The following TTC28 variants were observed in gnomAD, a reference collection of about 807,000 sequenced individuals.
TTC28 encodes tetratricopeptide repeat domain 28.
In TTC28, 61 loss-of-function variants were observed where a neutral mutation model predicts 198.0. The observed-to-expected ratio is 0.31, with a 90% confidence interval of 0.25 to 0.38. TTC28 has a LOEUF of 0.38. Ranked by LOEUF, TTC28 falls within the 10% of genes least tolerant of loss-of-function variation. The pLI, the probability that TTC28 is intolerant of heterozygous loss-of-function variation, is 1.00. For synonymous variants in TTC28, 1,171 were observed against 1,297.8 expected (o/e 0.90, Z 2.10); for missense variants, 2,678 against 3,164.0 (o/e 0.85, Z 3.69).
intron 12 of TTC28, among the ~76,000 whole-genome samples, chr22:28,032,205 A>AATATAT (rs1309086754): frequency 9.9e-6 from 1 of 100,832 alleles, no homozygotes; most frequent in Non-Finnish European, 2.1e-5. Context: ...ATATATATAA[A>AATATAT]ATATATATAT....
intron 1 of TTC28, among the ~76,000 whole-genome samples, chr22:28,669,511 A>C (rs1453527339): frequency 1.3e-5 from 2 of 151,876 alleles, no homozygotes; most frequent in South Asian, 2.1e-4. Context: ...TATGTTCCTC[A>C]ATATCAAATT....
At chr22:28,555,339 C>T (rs776657372) in intron 2 of TTC28, among the ~76,000 whole-genome samples, 2 of 152,200 alleles carry the variant, frequency 1.3e-5, no homozygotes, top group Admixed American at 6.5e-5. Flanking sequence ...AATCCCATTA[C>T]TAGGTATCTA....
intron 2 of TTC28, among the ~76,000 whole-genome samples, chr22:28,610,076 C>A (rs1569057908): frequency 6.6e-6 from 1 of 152,204 alleles, no homozygotes; most frequent in East Asian, 1.9e-4. Flanking sequence ...GAAAAAAAGG[C>A]AGCAGCCCCA....
intron 5 of TTC28, among the ~76,000 whole-genome samples, chr22:28,207,544 T>C (rs1601476084): frequency 6.6e-6 from 1 of 152,168 alleles, no homozygotes; most frequent in African/African-American, 2.4e-5. Context: ...CAACAATATC[T>C]GACTCTTACA....
At chr22:28,589,656 T>C (rs769768346) in intron 2 of TTC28, among the ~76,000 whole-genome samples, 3 of 152,194 alleles carry the variant, frequency 2.0e-5, no homozygotes, top group Non-Finnish European at 4.4e-5. Flanking sequence ...TTTTATTTTA[T>C]CACTCAAGAT....
At position 28,070,427 on chromosome 22, in the gene TTC28, G is replaced by T. The variant is rs188941178; in HGVS notation, c.3932+23653C>A. Reference sequence around the variant, plus strand: ...CAAGCCTAACAAATAGATTTTTTTTGAAAACAACCCCAAAGAAATTTCTGT... The same window carrying T: ...CAAGCCTAACAAATAGATTTTTTTTTAAAACAACCCCAAAGAAATTTCTGT... On this transcript the variant is annotated intron_variant, in intron 12 of 22. Transcript: ENST00000397906. Among the ~76,000 whole-genome samples, 39 of 152,104 alleles carry T rather than the reference G, an allele frequency of 2.6e-4. No individual in the cohort carries two copies. The East Asian group carries it at 4.1e-3, about 16-fold the overall frequency.
At chr22:28,662,971 G>C (rs1480588056) in intron 1 of TTC28, among the ~76,000 whole-genome samples, 1 of 151,834 alleles carries the variant, frequency 6.6e-6, no homozygotes, top group Non-Finnish European at 1.5e-5. Flanking sequence ...AACTTCCACC[G>C]GGCGCGGTGG....
intron 2 of TTC28, among the ~76,000 whole-genome samples, chr22:28,352,696 A>T (rs929666244): frequency 1.3e-5 from 2 of 152,154 alleles, no homozygotes; most frequent in Non-Finnish European, 2.9e-5. Context: ...GAGCCACCTG[A>T]ATAAAACCAA....
At chr22:28,000,126 G>A (rs1244095659) in intron 15 of TTC28, 3 of 152,340 alleles carry the variant, frequency 2.0e-5, no homozygotes, top group African/African-American at 2.4e-5. Flanking sequence ...CAGGAGCGTC[G>A]AGAAGGCCAG....
At chr22:28,063,955 G>A (rs1257287257) in intron 12 of TTC28, among the ~76,000 whole-genome samples, 1 of 152,166 alleles carries the variant, frequency 6.6e-6, no homozygotes, top group Non-Finnish European at 1.5e-5. Flanking sequence ...GGAGTCACAG[G>A]AGAGCTGTGT....
At chr22:28,034,607 G>A (rs1181884098) in intron 12 of TTC28, among the ~76,000 whole-genome samples, 1 of 152,214 alleles carries the variant, frequency 6.6e-6, no homozygotes, top group Non-Finnish European at 1.5e-5. Flanking sequence ...GTCCTGGCTG[G>A]ACCCTGCCCT....
chr22:28,465,056 T>C (rs746062757), intron 2 of TTC28, among the ~76,000 whole-genome samples: 4 of 152,222 alleles, frequency 2.6e-5, no homozygotes, highest in African/African-American at 7.2e-5. Flanking sequence ...CCAGTGATCA[T>C]ATATAACAAG....
chr22:28,125,491 A>G (rs1942891985), intron 6 of TTC28, among the ~76,000 whole-genome samples: 1 of 152,212 alleles, frequency 6.6e-6, no homozygotes, highest in South Asian at 2.1e-4. Flanking sequence ...GCCCAAACAC[A>G]ATATGCAACA....
chr22:28,674,153 G>A (rs1012593075), intron 1 of TTC28, among the ~76,000 whole-genome samples: 3 of 151,956 alleles, frequency 2.0e-5, no homozygotes, highest in African/African-American at 7.2e-5. Context: ...TGGTATGAGA[G>A]ACTTGTCTTC....
intron 12 of TTC28, among the ~76,000 whole-genome samples, chr22:28,070,725 ATGT>A (rs1218776095): frequency 2.0e-5 from 3 of 152,230 alleles, no homozygotes; most frequent in Non-Finnish European, 4.4e-5. Context: ...AAGAAAATCA[ATGT>A]TGTGTGTCAT....
chr22:28,401,508 C>G (rs562832173), intron 2 of TTC28, among the ~76,000 whole-genome samples: 1 of 152,214 alleles, frequency 6.6e-6, no homozygotes, highest in African/African-American at 2.4e-5. Context: ...TCCAGCTACT[C>G]AGGAGGCTGA....
In TTC28 at chr22:27,990,682, G is replaced by A. The variant is rs1601487474; in HGVS notation, c.5577+107C>T. 1.1e-5 allele frequency: 12 copies of A among 1,121,320 alleles called. 1 individual carries two copies. Among genetic ancestry groups the A allele is most frequent in the South Asian group, 4.6e-5 (3 of 65,606 alleles). The allele number at this position is 1,121,320 out of a possible 1,614,324, so 69.5% of individuals were successfully genotyped here. Reference sequence around the variant, plus strand: ...GGGGCGCCGCAGCCCGTGTGGCTCCGTTTGACAGCACGTGCACCCCGAGCT... The same window carrying A: ...GGGGCGCCGCAGCCCGTGTGGCTCCATTTGACAGCACGTGCACCCCGAGCT... On this transcript the variant is annotated intron_variant, in intron 20 of 22. Coordinates refer to ENST00000397906, the MANE Select transcript of TTC28 (RefSeq NM_001145418.2).
At chr22:28,444,672 A>G (rs560584039) in intron 2 of TTC28, among the ~76,000 whole-genome samples, 1 of 152,308 alleles carries the variant, frequency 6.6e-6, no homozygotes, top group African/African-American at 2.4e-5. Flanking sequence ...AAGACCACAC[A>G]GGTAGAGCAT....
At position 28,444,014 on chromosome 22, in the gene TTC28, C is replaced by T. The variant is rs985772460; in HGVS notation, c.382-137371G>A. On this transcript the variant is annotated intron_variant, in intron 2 of 22. Transcript: ENST00000397906. ...TACCCCCAATGAACTTTAATAGATT[C>T]CATTTCCTTCTCTAAATTTAGCACT... 5.9e-5 allele frequency among the ~76,000 whole-genome samples: 9 copies of T among 152,238 alleles called. No individual in the cohort carries two copies. The East Asian group carries it at 9.7e-4, about 16-fold the overall frequency.
Sources: gnomAD v4.1 joint callset for allele counts (sites outside exome capture counted in the v4.1 genomes callset) on GRCh38, gnomAD v4.1.1 for gene constraint, MANE v1.5 for transcripts, NCBI Gene and HGNC (gene_info 2026-07-23, HGNC 2026-07-21) for gene names.